Variants in TLE6 observed in about 807,000 individuals in gnomAD.
The protein encoded by TLE6 is TLE family member 6, subcortical maternal complex member.
A neutral mutation model predicts 77.1 loss-of-function variants in TLE6; 72 were observed. The observed-to-expected ratio is 0.93, with a 90% CI of 0.77 to 1.14. The LOEUF (loss-of-function observed/expected upper bound fraction) is 1.14. Among genes scored for constraint, TLE6 ranks in the 50% most tolerant of loss-of-function variants. The probability of loss-of-function intolerance (pLI) is 0.00; values close to 1 mark genes in which losing one functional copy is unlikely to be tolerated. For missense variants in TLE6, 843 were observed against 747.6 expected (o/e 1.13, Z -1.49); for synonymous variants, 366 against 287.3 (o/e 1.27, Z -2.77).
chr19:2,980,045 G>A (rs956678888), intron 2 of TLE6, 55 bp from the exon 3 acceptor site: 19 of 1,423,320 alleles, frequency 1.3e-5, no homozygotes, highest in African/African-American at 1.3e-4. Context: ...GAGACCGGGG[G>A]TCTTGGGTGT....
Position 2,987,171 on chromosome 19 carries a change from T to C in TLE6, c.474T>C (p.Thr158=), listed in dbSNP as rs1309818129. ...WDKEPWFWHD[T]LTEQLWRIFA... is the part of the protein sequence containing the mutation. The stretch of plus-strand genomic sequence containing the variant: ...AGGAGCCTTGGTTTTGGCACGACAC[T>C]CTGACCGAGCAACTCTGGCGGATTT... Residue 158 remains threonine, a synonymous_variant, in exon 7 of 17, where the codon ACT becomes ACC. Transcript: ENST00000246112. The C allele has an allele frequency of 6.2e-7, 1 of 1,614,036 alleles. No homozygotes were observed.
intron 5 of TLE6, chr19:2,984,087 G>T (rs964510452): frequency 7.9e-5 from 12 of 152,308 alleles, no homozygotes; most frequent in African/African-American, 2.2e-4. Flanking sequence ...TTTCCCAGCC[G>T]CCTCGCTGTG....
chr19:2,988,066 CAGCTGTGAT>C lies in TLE6; in HGVS notation c.703-24_703-16del, dbSNP rs1374772167. 1 of 1,554,048 alleles carries C rather than the reference CAGCTGTGAT, an allele frequency of 6.4e-7. No homozygotes were observed. Among genetic ancestry groups the C allele is most frequent in the East Asian group, 2.4e-5 (1 of 41,040 alleles). ...CACAGATGTGCGGGGAGGCTGGGGG[CAGCTGTGAT>C]CTCCCCCGCCTGCAGGAGCCTCCTG... On this transcript the variant is annotated splice_polypyrimidine_tract_variant and intron_variant, in intron 10 of 16. Transcript: ENST00000246112.
At chr19:2,986,616 A>G (rs1439019177) in intron 5 of TLE6, among the ~76,000 whole-genome samples, 1 of 152,014 alleles carries the variant, frequency 6.6e-6, no homozygotes, top group Non-Finnish European at 1.5e-5. Flanking sequence ...CAGGAGGCTG[A>G]GGCAGGAGAA....
chr19:2,991,706 C>A, intron 13 of TLE6, 137 bp from the exon 14 acceptor site: 2 of 781,278 alleles, frequency 2.6e-6, no homozygotes, highest in Non-Finnish European at 4.0e-6. Flanking sequence ...TTTCTGCCAA[C>A]TTTGACACTC....
At chr19:2,978,100 C>A (rs753842028) in intron 1 of TLE6, 98 bp from the exon 2 acceptor site, 2 of 872,060 alleles carry the variant, frequency 2.3e-6, no homozygotes, top group South Asian at 1.6e-5. Flanking sequence ...TGGAGACTTA[C>A]CAAACTGGGA....
intron 8 of TLE6, 124 bp downstream of exon 8, chr19:2,987,496 C>A: frequency 3.5e-6 from 5 of 1,416,734 alleles, no homozygotes; most frequent in Non-Finnish European, 5.0e-6. Context: ...CCCTCGGGTC[C>A]CCCGGGGGGG....
intron 5 of TLE6, among the ~76,000 whole-genome samples, chr19:2,985,141 T>G (rs1421714273): frequency 6.6e-6 from 1 of 151,818 alleles, no homozygotes; most frequent in Non-Finnish European, 1.5e-5. Context: ...TCCCAGCTAC[T>G]TGGGAGCCTG....
intron 14 of TLE6, among the ~76,000 whole-genome samples, chr19:2,992,793 A>AACGGGGGGGGG (rs1487334518): frequency 0.011 from 216 of 19,746 alleles, 83 homozygotes; most frequent in Middle Eastern, 0.071. Flanking sequence ...AAAAAAAAAA[A>AACGGGGGGGGG]GGGGGGGAGG....
chr19:2,979,964 C>CAGA (rs777263553), intron 2 of TLE6, 136 bp from the exon 3 acceptor site: 11 of 368,942 alleles, frequency 3.0e-5, no homozygotes, highest in Non-Finnish European at 5.3e-5. Context: ...ACTCGGTTTC[C>CAGA]AAAAAAAAAA....
chr19:2,987,361 G>C lies in TLE6; in HGVS notation c.547G>C (p.Ala183Pro). The change falls in exon 8 of 17, where the codon GCA becomes CCA. Residue 183 changes from alanine (A) to proline (P), a missense_variant. Coordinates refer to ENST00000246112, the MANE Select transcript of TLE6 (RefSeq NM_001143986.2). ...EKAKPRDRQQ[A>P]PGLGQESKAP... is the part of the protein sequence containing the mutation. ...CTCCGTTGTCATGGTGACAGAGCAGGCACCAGGCCTGGTGAGTAAACAACC... is the reference window on the plus strand; with the variant it reads ...CTCCGTTGTCATGGTGACAGAGCAGCCACCAGGCCTGGTGAGTAAACAACC... 6.2e-7 allele frequency: 1 copy of C among 1,614,046 alleles called. No individual in the cohort carries two copies. Among genetic ancestry groups the C allele is most frequent in the Non-Finnish European group, 8.5e-7 (1 of 1,180,028 alleles).
At chr19:2,983,116 G>C (rs77151659) in intron 5 of TLE6, among the ~76,000 whole-genome samples, 2 of 152,188 alleles carry the variant, frequency 1.3e-5, no homozygotes, top group African/African-American at 2.4e-5. Flanking sequence ...GCCCAGGGCC[G>C]TGTCTGCAAC....
In TLE6 at chr19:2,981,582, C is replaced by T. The variant is rs537444090; in HGVS notation, c.179C>T (p.Ser60Leu). 9.0e-6 allele frequency: 14 copies of T among 1,551,548 alleles called. No individual in the cohort carries two copies. Among genetic ancestry groups the T allele is most frequent in the African/African-American group, 2.7e-5 (2 of 73,144 alleles). The change falls in exon 4 of 17, where the codon TCG (serine) becomes TTG (leucine). Residue 60 changes from serine (S) to leucine (L), a missense_variant and splice_region_variant. Transcript: ENST00000246112. ...GCGGAGTTGGAGAGCATTTACTACT[C>T]GGTGAGCCAGACCCAGGCAGCCCCA... Reference protein sequence around the residue: ...FAAELESIYYSLHKIQQDVAE... With the variant: ...FAAELESIYYLLHKIQQDVAE...
intron 5 of TLE6, among the ~76,000 whole-genome samples, chr19:2,982,838 G>T (rs2088827109): frequency 6.6e-6 from 1 of 152,152 alleles, no homozygotes; most frequent in Non-Finnish European, 1.5e-5. Flanking sequence ...CCCTTTGCCG[G>T]TCAGTTGCTT....
intron 5 of TLE6, among the ~76,000 whole-genome samples, chr19:2,983,063 C>A (rs1182988396): frequency 6.6e-6 from 1 of 152,270 alleles, no homozygotes; most frequent in East Asian, 1.9e-4. Context: ...TTCTCCCAGG[C>A]GCTGGCAGGA....
rs1193307956 is a variant in TLE6 at position 2,991,936 on chromosome 19, G to C, written c.1338G>C (p.Trp446Cys). ...TGGPDACLRC[W>C]DQRTIMKPLE... ...GTCCGGATGCCTGTCTGCGGTGCTG[G>C]GACCAGAGGACCATCATGAAACCTC... Residue 446 changes from tryptophan to cysteine, a missense_variant, in exon 14 of 17, where the codon TGG becomes TGC. By Grantham distance (215) the Trp-to-Cys change is radical. Coordinates refer to ENST00000246112, the MANE Select transcript of TLE6 (RefSeq NM_001143986.2). 1 of 1,613,898 alleles carries C rather than the reference G, an allele frequency of 6.2e-7. No individual in the cohort carries two copies. Among genetic ancestry groups the C allele is most frequent in the Admixed American group, 1.7e-5 (1 of 59,946 alleles).
At chr19:2,988,514 C>T (rs2041972) in intron 11 of TLE6, among the ~76,000 whole-genome samples, 51,010 of 151,900 alleles carry the variant, frequency 0.34, 10,423 homozygotes, top group Non-Finnish European at 0.44. Flanking sequence ...AGGAGAATGG[C>T]GTGAACCCGG....
intron 8 of TLE6, 131 bp downstream of exon 8, chr19:2,987,503 G>T: frequency 2.9e-6 from 4 of 1,374,844 alleles, no homozygotes; most frequent in Non-Finnish European, 3.1e-6. Flanking sequence ...GTCCCCCGGG[G>T]GGGACTTGGG....
In TLE6 at chr19:2,987,387, T is replaced by C; in HGVS notation, c.558+15T>C. On this transcript the variant is annotated intron_variant, in intron 8 of 16. Transcript: ENST00000246112. ...CACCAGGCCTGGTGAGTAAACAACC[T>C]CAGCTCTATCCAGAGGGGTGGGCTT... is the stretch of plus-strand genomic sequence containing the variant. 1 of 1,613,220 alleles carries C rather than the reference T, an allele frequency of 6.2e-7. No individual in the cohort carries two copies. The highest frequency in any genetic ancestry group is 8.5e-7 in the Non-Finnish European group (1 of 1,179,948).
Sources: allele counts gnomAD v4.1 joint callset (sites outside exome capture counted in the v4.1 genomes callset), GRCh38; gene constraint gnomAD v4.1.1; transcripts MANE v1.5; gene names NCBI Gene and HGNC (gene_info 2026-07-23, HGNC 2026-07-21).